The following ERICH1 variants were observed in gnomAD, a reference collection of about 807,000 sequenced individuals.
ERICH1 encodes the protein glutamate rich 1.
In ERICH1, 56 loss-of-function variants were observed where a neutral mutation model predicts 39.6. The observed-to-expected ratio is 1.41, with a 90% CI of 1.14 to 1.77. The LOEUF (loss-of-function observed/expected upper bound fraction) is 1.77. Among genes scored for constraint, ERICH1 ranks in the 40% most tolerant of loss-of-function variants. ERICH1 has a pLI of 0.00. For missense variants in ERICH1, 826 were observed against 575.4 expected, an observed-to-expected ratio of 1.44 and a Z score of -4.45; for synonymous variants, 313 against 223.6, an observed-to-expected ratio of 1.40 and a Z score of -3.57.
intron 3 of ERICH1, among the ~76,000 whole-genome samples, chr8:616,960 C>CAGAGAGAGAGAGAGAGAGAGAG (rs1188369957): frequency 1.0e-4 from 1 of 9,944 alleles, no homozygotes. Flanking sequence ...GAGACAGAGA[C>CAGAGAGAGAGAGAGAGAGAGAG]ACACAGAGAG....
intron 3 of ERICH1, among the ~76,000 whole-genome samples, chr8:651,603 G>A (rs1270026657): frequency 6.6e-6 from 1 of 152,046 alleles, no homozygotes. Flanking sequence ...CTGGGGGCAG[G>A]GGAAACAGGT....
chr8:660,419 C>T (rs895239567), downstream of ERICH1, among the ~76,000 whole-genome samples: 2 of 152,220 alleles, frequency 1.3e-5, no homozygotes, highest in African/African-American at 4.8e-5. Context: ...GGAGGGGCCA[C>T]GGGGCTGGGA....
chr8:700,635 A>C (rs2132191524), intron 2 of ERICH1, among the ~76,000 whole-genome samples: 1 of 152,248 alleles, frequency 6.6e-6, no homozygotes, highest in East Asian at 1.9e-4. Flanking sequence ...CCAGCTTCCA[A>C]GCTACAACTT....
At chr8:687,620 CGCA>C (rs1807741467) in intron 3 of ERICH1, among the ~76,000 whole-genome samples, 2 of 152,132 alleles carry the variant, frequency 1.3e-5, no homozygotes, top group South Asian at 4.1e-4. Context: ...CCCTGTGGAG[CGCA>C]GCAGGAGGAA....
At chr8:677,798 C>A (rs1044629492) in intron 3 of ERICH1, among the ~76,000 whole-genome samples, 2 of 152,134 alleles carry the variant, frequency 1.3e-5, no homozygotes, top group Non-Finnish European at 2.9e-5. Context: ...ACAGGAAGCC[C>A]CTCTAGGATG....
At chr8:649,877 G>A (rs375048787) in intron 3 of ERICH1, among the ~76,000 whole-genome samples, 2 of 152,356 alleles carry the variant, frequency 1.3e-5, no homozygotes, top group African/African-American at 4.8e-5. Flanking sequence ...AGGGCTGGGA[G>A]GAGCAGTGGC....
exon 4 of ERICH1, chr8:615,219 C>G (rs76308159): frequency 0.098 from 66,711 of 683,920 alleles, 3,573 homozygotes; most frequent in Non-Finnish European, 0.11. Context: ...AGCACCACAG[C>G]TGGTTAAGGC....
At chr8:684,340 T>C (rs918060286) in intron 3 of ERICH1, among the ~76,000 whole-genome samples, 4 of 152,184 alleles carry the variant, frequency 2.6e-5, no homozygotes, top group Non-Finnish European at 5.9e-5. Flanking sequence ...CATTGAATTA[T>C]TCAATAAATA....
At chr8:642,185 C>T (rs1045005840) in intron 3 of ERICH1, among the ~76,000 whole-genome samples, 4 of 152,178 alleles carry the variant, frequency 2.6e-5, no homozygotes, top group East Asian at 1.9e-4. Context: ...CAGCACTTAA[C>T]GCGACTGGCC....
At chr8:728,949 G>A (rs889570496) in intron 1 of ERICH1, among the ~76,000 whole-genome samples, 8 of 152,070 alleles carry the variant, frequency 5.3e-5, no homozygotes, top group African/African-American at 1.9e-4. Context: ...TAGAATCACT[G>A]TTTAGCCTGA....
intron 2 of ERICH1, among the ~76,000 whole-genome samples, chr8:705,333 G>A (rs1027177225): frequency 2.0e-5 from 3 of 152,230 alleles, no homozygotes; most frequent in African/African-American, 4.8e-5. Flanking sequence ...GCGATGGCCC[G>A]TGCAGAAGTG....
intron 3 of ERICH1, among the ~76,000 whole-genome samples, chr8:631,517 A>G (rs1304115544): frequency 6.6e-6 from 1 of 152,092 alleles, no homozygotes; most frequent in African/African-American, 2.4e-5. Flanking sequence ...GGAAGTGGTG[A>G]CGGATTGGGC....
At chr8:681,124 T>G (rs1011105859) in intron 3 of ERICH1, among the ~76,000 whole-genome samples, 7 of 152,198 alleles carry the variant, frequency 4.6e-5, no homozygotes, top group African/African-American at 1.7e-4. Flanking sequence ...CCGCACCAGC[T>G]TGTGGCCTCT....
At chr8:719,819 C>A (rs973783039) in intron 1 of ERICH1, among the ~76,000 whole-genome samples, 1 of 152,194 alleles carries the variant, frequency 6.6e-6, no homozygotes, top group African/African-American at 2.4e-5. Context: ...AGGACCATCA[C>A]CCTGTACTGT....
intron 2 of ERICH1, among the ~76,000 whole-genome samples, chr8:712,739 G>C (rs1815043975): frequency 6.6e-6 from 1 of 152,168 alleles, no homozygotes; most frequent in South Asian, 2.1e-4. Flanking sequence ...CTTGTTCTTT[G>C]CTGACATATA....
chr8:623,487 A>AT (rs984829291), intron 3 of ERICH1, among the ~76,000 whole-genome samples: 20 of 152,198 alleles, frequency 1.3e-4, no homozygotes, highest in Admixed American at 1.3e-3. Flanking sequence ...TAATTTAAAA[A>AT]TTTTTGTTTT....
intron 3 of ERICH1, among the ~76,000 whole-genome samples, chr8:616,748 G>A (rs1318942523): frequency 1.6e-5 from 2 of 124,720 alleles, no homozygotes; most frequent in Non-Finnish European, 3.2e-5. Flanking sequence ...GGGAGAGAGA[G>A]GGACAAAGGG....
intron 3 of ERICH1, among the ~76,000 whole-genome samples, chr8:677,608 T>A (rs1038440647): frequency 4.6e-5 from 7 of 152,206 alleles, no homozygotes; most frequent in Non-Finnish European, 2.9e-5. Context: ...AACAGCAGCC[T>A]CTGGGTCTGC....
chr8:627,007 C>A, intron 3 of ERICH1: 1 of 419,716 alleles, frequency 2.4e-6, no homozygotes, highest in Non-Finnish European at 4.9e-6. Flanking sequence ...ACTCACCAAG[C>A]TCTCGTCATG....
Sources: gnomAD v4.1 joint callset for allele counts (sites outside exome capture counted in the v4.1 genomes callset) on GRCh38, gnomAD v4.1.1 for gene constraint, MANE v1.5 for transcripts, NCBI Gene and HGNC (gene_info 2026-07-23, HGNC 2026-07-21) for gene names.